The following SHISA6 variants were observed in gnomAD, a reference collection of about 807,000 sequenced individuals.
The protein encoded by SHISA6 is protein shisa-6.
In SHISA6, 22 loss-of-function variants were observed where a neutral mutation model predicts 47.9. That is an observed-to-expected ratio of 0.46 (90% CI 0.33 to 0.66). The LOEUF (loss-of-function observed/expected upper bound fraction) is 0.66, where lower values mean the gene tolerates loss of function less well. Among genes scored for constraint, SHISA6 ranks in the 30% least tolerant of loss-of-function variants. SHISA6 has a pLI of 0.02. For missense variants in SHISA6, 680 were observed against 764.6 expected, an observed-to-expected ratio of 0.89 and a Z score of 1.30; for synonymous variants, 388 against 337.8, an observed-to-expected ratio of 1.15 and a Z score of -1.63.
intron 3 of SHISA6, among the ~76,000 whole-genome samples, chr17:11,481,908 C>T (rs1381668394): frequency 6.6e-6 from 1 of 151,750 alleles, no homozygotes; most frequent in African/African-American, 2.4e-5. Flanking sequence ...AAAAAAATGC[C>T]ATAAAAAATG....
chr17:11,381,433 A>G (rs986427985), intron 3 of SHISA6, among the ~76,000 whole-genome samples: 3 of 152,200 alleles, frequency 2.0e-5, no homozygotes, highest in East Asian at 3.8e-4. Context: ...GACAAAATAA[A>G]TTATTGACAA....
intron 3 of SHISA6, among the ~76,000 whole-genome samples, chr17:11,464,446 C>T (rs1323214888): frequency 6.6e-6 from 1 of 152,076 alleles, no homozygotes; most frequent in Non-Finnish European, 1.5e-5. Context: ...GTCTTGTCAC[C>T]CTGTGGAAGA....
intron 2 of SHISA6, among the ~76,000 whole-genome samples, chr17:11,286,327 T>C (rs1909298453): frequency 6.6e-6 from 1 of 152,184 alleles, no homozygotes; most frequent in Non-Finnish European, 1.5e-5. Context: ...CACAATTCTA[T>C]GCTTTTGTTT....
chr17:11,267,857 C>T (rs1464999291), intron 2 of SHISA6, among the ~76,000 whole-genome samples: 4 of 152,082 alleles, frequency 2.6e-5, no homozygotes, highest in East Asian at 1.9e-4. Context: ...TGGGCAAAAG[C>T]GGGCACAAGT....
intron 3 of SHISA6, among the ~76,000 whole-genome samples, chr17:11,532,947 C>T (rs1207349444): frequency 1.3e-5 from 2 of 152,070 alleles, no homozygotes; most frequent in African/African-American, 2.4e-5. Context: ...TCCCTTTCCA[C>T]TCCCAGAGAA....
intron 3 of SHISA6, among the ~76,000 whole-genome samples, chr17:11,490,341 A>C (rs1425405404): frequency 6.6e-6 from 1 of 152,142 alleles, no homozygotes; most frequent in Non-Finnish European, 1.5e-5. Context: ...GAGAGGGAGT[A>C]AGAGAAGAGG....
At chr17:11,472,574 G>A (rs1220928032) in intron 3 of SHISA6, among the ~76,000 whole-genome samples, 1 of 152,200 alleles carries the variant, frequency 6.6e-6, no homozygotes, top group East Asian at 1.9e-4. Context: ...TTCACCTACT[G>A]AAGGACATCT....
At chr17:11,445,885 TGGTG>T (rs1915216076) in intron 3 of SHISA6, among the ~76,000 whole-genome samples, 1 of 152,208 alleles carries the variant, frequency 6.6e-6, no homozygotes, top group Non-Finnish European at 1.5e-5. Context: ...TGGAGGGCAG[TGGTG>T]CAATCTTGGC....
At chr17:11,477,374 T>A (rs1353424031) in intron 3 of SHISA6, among the ~76,000 whole-genome samples, 2 of 152,192 alleles carry the variant, frequency 1.3e-5, no homozygotes, top group African/African-American at 4.8e-5. Flanking sequence ...TAATTGAACA[T>A]TTTACATGAT....
At chr17:11,294,236 C>T (rs1322765056) in intron 2 of SHISA6, among the ~76,000 whole-genome samples, 1 of 152,172 alleles carries the variant, frequency 6.6e-6, no homozygotes, top group East Asian at 1.9e-4. Context: ...CGAATGACTC[C>T]AACAAAACCT....
chr17:11,358,751 A>G (rs967627852), intron 2 of SHISA6, among the ~76,000 whole-genome samples: 4 of 149,932 alleles, frequency 2.7e-5, no homozygotes, highest in Admixed American at 6.6e-5. Context: ...GCTCACTGCA[A>G]CCTCTGCTTT....
intron 3 of SHISA6, among the ~76,000 whole-genome samples, chr17:11,549,191 T>C (rs888362982): frequency 6.6e-6 from 1 of 152,178 alleles, no homozygotes; most frequent in African/African-American, 2.4e-5. Flanking sequence ...TGAGGGTGTA[T>C]GTAAGCACTC....
intron 4 of SHISA6, among the ~76,000 whole-genome samples, chr17:11,555,188 G>A (rs1019683068): frequency 1.1e-4 from 16 of 152,102 alleles, no homozygotes; most frequent in African/African-American, 3.6e-4. Context: ...GCAGAGCTTG[G>A]AGAGGAGAAA....
chr17:11,516,325 C>T (rs190299604), intron 3 of SHISA6, among the ~76,000 whole-genome samples: 5 of 152,312 alleles, frequency 3.3e-5, no homozygotes, highest in African/African-American at 1.2e-4. Context: ...ATTCCACAGT[C>T]ATCAGATCTT....
At chr17:11,412,695 CCGT>C (rs2142274133) in intron 3 of SHISA6, among the ~76,000 whole-genome samples, 1 of 152,110 alleles carries the variant, frequency 6.6e-6, no homozygotes, top group East Asian at 1.9e-4. Flanking sequence ...GCACCGGCCA[CCGT>C]GCCGGGCTAA....
intron 2 of SHISA6, among the ~76,000 whole-genome samples, chr17:11,308,345 A>C (rs545007858): frequency 6.6e-6 from 1 of 152,316 alleles, no homozygotes. Flanking sequence ...CCCTAAACAC[A>C]CAAACATCTG....
intron 2 of SHISA6, among the ~76,000 whole-genome samples, chr17:11,354,783 G>A (rs1216082300): frequency 6.6e-6 from 1 of 151,894 alleles, no homozygotes; most frequent in Admixed American, 6.6e-5. Flanking sequence ...TTCCTTATTT[G>A]TTCCTTCCCT....
intron 3 of SHISA6, among the ~76,000 whole-genome samples, chr17:11,480,507 A>G (rs981347062): frequency 2.0e-5 from 3 of 152,128 alleles, no homozygotes; most frequent in Non-Finnish European, 4.4e-5. Flanking sequence ...GGCCAGGCTC[A>G]CCCCAAAATC....
intron 3 of SHISA6, among the ~76,000 whole-genome samples, chr17:11,423,332 TAGATAGATAGATAGATAG>T (rs1914513001): frequency 3.8e-5 from 1 of 25,978 alleles, no homozygotes; most frequent in African/African-American, 1.0e-4. Context: ...TATATATAGA[TAGATAGATAGATAGATAG>T]ATAGATAGAT....
Sources: allele counts gnomAD v4.1 joint callset (sites outside exome capture counted in the v4.1 genomes callset), GRCh38; gene constraint gnomAD v4.1.1; transcripts MANE v1.5; gene names NCBI Gene and HGNC (gene_info 2026-07-23, HGNC 2026-07-21).